The following SPTLC3 variants were observed in gnomAD, a reference collection of about 807,000 sequenced individuals.
SPTLC3 encodes the protein serine palmitoyltransferase 3.
SPTLC3 carries 36 observed loss-of-function variants against 59.3 expected under a neutral mutation model. The observed-to-expected ratio is 0.61, with a 90% confidence interval of 0.47 to 0.80. SPTLC3 has a LOEUF of 0.80. Ranked by LOEUF, SPTLC3 falls within the 30% of genes least tolerant of loss-of-function variation. The pLI is 0.00. For missense variants in SPTLC3, 625 were observed against 685.1 expected (o/e 0.91, Z 0.98); for synonymous variants, 257 against 240.8 (o/e 1.07, Z -0.62).
chr20:13,060,985 G>A (rs6109678), intron 2 of SPTLC3, among the ~76,000 whole-genome samples: 31,086 of 152,038 alleles, frequency 0.2, 3,248 homozygotes, highest in East Asian at 0.26. Flanking sequence ...TAGTGGGATT[G>A]CTGGATCAAA....
chr20:13,102,167 C>T (rs905819816), intron 6 of SPTLC3, among the ~76,000 whole-genome samples: 1 of 152,016 alleles, frequency 6.6e-6, no homozygotes, highest in African/African-American at 2.4e-5. Context: ...AAGTTAAACC[C>T]GTAAACATGG....
At chr20:13,012,922 CT>C (rs1985330041) in intron 1 of SPTLC3, among the ~76,000 whole-genome samples, 1 of 152,062 alleles carries the variant, frequency 6.6e-6, no homozygotes, top group Non-Finnish European at 1.5e-5. Flanking sequence ...AAATAGGGAG[CT>C]TATTCCTGAG....
chr20:13,017,286 AT>A (rs1371087266), intron 1 of SPTLC3, among the ~76,000 whole-genome samples: 1 of 152,202 alleles, frequency 6.6e-6, no homozygotes, highest in Non-Finnish European at 1.5e-5. Context: ...GACATACCAC[AT>A]TAGTGAACCT....
chr20:13,020,681 G>A (rs150401397), intron 1 of SPTLC3, among the ~76,000 whole-genome samples: 2 of 152,156 alleles, frequency 1.3e-5, no homozygotes, highest in African/African-American at 2.4e-5. Flanking sequence ...TCGCACTCCC[G>A]CACCCCTTAG....
intron 6 of SPTLC3, among the ~76,000 whole-genome samples, chr20:13,101,038 T>C (rs2122652642): frequency 6.6e-6 from 1 of 152,294 alleles, no homozygotes; most frequent in Admixed American, 6.5e-5. Context: ...ACATGGTGCA[T>C]TGTCAAGCAA....
chr20:13,092,118 G>A (rs139779482), intron 5 of SPTLC3, among the ~76,000 whole-genome samples: 1 of 152,254 alleles, frequency 6.6e-6, no homozygotes, highest in Non-Finnish European at 1.5e-5. Flanking sequence ...AGTGGTGAGA[G>A]GAGAACAGAA....
At chr20:13,035,293 A>C (rs1345931981) in intron 1 of SPTLC3, among the ~76,000 whole-genome samples, 1 of 152,194 alleles carries the variant, frequency 6.6e-6, no homozygotes, top group African/African-American at 2.4e-5. Context: ...TGGAGTTTTG[A>C]TGCTGTCGAA....
chr20:13,116,919 C>T (rs56727922), intron 7 of SPTLC3, among the ~76,000 whole-genome samples: 43,542 of 151,860 alleles, frequency 0.29, 6,481 homozygotes, highest in Admixed American at 0.34. Flanking sequence ...GTTCCTCTGC[C>T]CTAAAGGAAC....
At chr20:13,131,613 C>T (rs2038121552) in intron 9 of SPTLC3, among the ~76,000 whole-genome samples, 1 of 152,146 alleles carries the variant, frequency 6.6e-6, no homozygotes, top group Admixed American at 6.5e-5. Context: ...CTATTAGCAA[C>T]TCCCACACAC....
chr20:13,053,210 T>G (rs1987571114), intron 2 of SPTLC3, among the ~76,000 whole-genome samples: 1 of 152,096 alleles, frequency 6.6e-6, no homozygotes, highest in Non-Finnish European at 1.5e-5. Context: ...AGGCAGAATA[T>G]TTCCTGTTCT....
chr20:13,120,682 G>T (rs1237409842), intron 8 of SPTLC3, among the ~76,000 whole-genome samples: 1 of 152,042 alleles, frequency 6.6e-6, no homozygotes, highest in African/African-American at 2.4e-5. Flanking sequence ...AAAACAAGGA[G>T]AAAAAAATGG....
chr20:13,037,703 C>T lies in SPTLC3; in HGVS notation c.118-11242C>T, dbSNP rs6109664. Among the ~76,000 whole-genome samples, 883 of 152,182 alleles carry T rather than the reference C, an allele frequency of 5.8e-3. 11 individuals are homozygous for T. The highest frequency in any genetic ancestry group is 0.02 in the African/African-American group (841 of 41,512). ...AAGAATAAAATGAGTCTTAGAGATGCGGAAATATTTTAGATGGGTGGATTA... is the reference window on the plus strand; with the variant it reads ...AAGAATAAAATGAGTCTTAGAGATGTGGAAATATTTTAGATGGGTGGATTA... On this transcript the variant is annotated intron_variant, in intron 1 of 11. Transcript: ENST00000399002.
chr20:13,056,729 C>T (rs1206784281), intron 2 of SPTLC3, among the ~76,000 whole-genome samples: 1 of 150,670 alleles, frequency 6.6e-6, no homozygotes, highest in Non-Finnish European at 1.5e-5. Context: ...CCGCACCCAG[C>T]CCATCCTTAA....
At position 13,073,845 on chromosome 20, in the gene SPTLC3, C is replaced by T. The variant is rs73898407; in HGVS notation, c.459-504C>T. ...CTCAGTTTGGGGAAAGTTCCTTCAA[C>T]TTCTCTTTTTCCTTTTCTTTAATAA... On this transcript the variant is annotated intron_variant, in intron 3 of 11. Transcript: ENST00000399002. 6.4e-3 allele frequency: 3,585 copies of T among 556,954 alleles called. 113 individuals carry two copies. The highest frequency in any genetic ancestry group is 0.063 in the African/African-American group (3,251 of 51,772). The allele number at this position is 556,954 out of a possible 1,614,324, so 34.5% of individuals were successfully genotyped here.
At position 13,117,630 on chromosome 20, in the gene SPTLC3, G is replaced by C. The variant is rs1990637281; in HGVS notation, c.1057G>C (p.Glu353Gln). ...AVGPTGRGVT[E>Q]FFGLDPHEVD... ...GGGCCCAACCGGCCGGGGTGTCACGGAGTTCTTTGGACTAGACCCTCATGA... is the reference window on the plus strand; with the variant it reads ...GGGCCCAACCGGCCGGGGTGTCACGCAGTTCTTTGGACTAGACCCTCATGA... Residue 353 changes from glutamate (E) to glutamine (Q), a missense_variant, in exon 8 of 12, where the codon GAG becomes CAG. By Grantham distance (29) the Glu-to-Gln change is conservative (BLOSUM62 2). Coordinates refer to ENST00000399002, the MANE Select transcript of SPTLC3 (RefSeq NM_018327.4). 6.2e-7 allele frequency: 1 copy of C among 1,614,108 alleles called. No individual in the cohort carries two copies. Among genetic ancestry groups the C allele is most frequent in the Non-Finnish European group, 8.5e-7 (1 of 1,179,966 alleles).
At chr20:13,023,314 AACAC>A (rs1427852457) in intron 1 of SPTLC3, among the ~76,000 whole-genome samples, 16 of 151,362 alleles carry the variant, frequency 1.1e-4, no homozygotes, top group Admixed American at 6.6e-4. Context: ...TACACACATA[AACAC>A]ACATGCATGC....
intron 1 of SPTLC3, among the ~76,000 whole-genome samples, chr20:13,036,870 G>T (rs1391821045): frequency 6.6e-6 from 1 of 152,114 alleles, no homozygotes; most frequent in Non-Finnish European, 1.5e-5. Flanking sequence ...CTGACTGATG[G>T]ATCCTTTCCA....
chr20:13,025,805 G>T (rs1986114479), intron 1 of SPTLC3, among the ~76,000 whole-genome samples: 1 of 152,104 alleles, frequency 6.6e-6, no homozygotes, highest in Admixed American at 6.6e-5. Flanking sequence ...ACAGCAGTTT[G>T]TTGTACTTAT....
At position 13,164,803 on chromosome 20, in the gene SPTLC3, C is replaced by A. The variant is rs1458836719; in HGVS notation, c.1595C>A (p.Ser532Tyr). 6.2e-7 allele frequency: 1 copy of A among 1,613,806 alleles called. No homozygotes were observed. Among genetic ancestry groups the A allele is most frequent in the Non-Finnish European group, 8.5e-7 (1 of 1,179,860 alleles). ...GGTGATCTCTTGCAACTGAAATATT[C>A]CCGGCACAAGAAGTCAGCACGTCCT... is the stretch of plus-strand genomic sequence containing the variant. ...EMGDLLQLKY[S>Y]RHKKSARPEL... Residue 532 changes from serine (S) to tyrosine (Y), a missense_variant, in exon 12 of 12, where the codon TCC (serine) becomes TAC (tyrosine). Coordinates refer to ENST00000399002, the MANE Select transcript of SPTLC3 (RefSeq NM_018327.4).
Sources: gnomAD v4.1 joint callset for allele counts (sites outside exome capture counted in the v4.1 genomes callset) on GRCh38, gnomAD v4.1.1 for gene constraint, MANE v1.5 for transcripts, NCBI Gene and HGNC (gene_info 2026-07-23, HGNC 2026-07-21) for gene names.